NEK5: variants seen among roughly 807,000 people sequenced by gnomAD.
The protein encoded by NEK5 is NIMA related kinase 5.
Under a neutral mutation model 109.2 loss-of-function variants are expected in NEK5, and 88 were observed. The observed-to-expected ratio is 0.81, with a 90% confidence interval of 0.68 to 0.96. NEK5 has a LOEUF of 0.96. Ranked by LOEUF, NEK5 falls within the 40% of genes least tolerant of loss-of-function variation. NEK5 has a pLI of 0.00. For missense variants in NEK5, 834 were observed against 920.7 expected (o/e 0.91, Z 1.22); for synonymous variants, 283 against 299.9 (o/e 0.94, Z 0.58).
At chr13:52,112,426 G>A in intron 4 of NEK5, 61 bp from the exon 5 acceptor site, 1 of 1,113,500 alleles carries the variant, frequency 9.0e-7, no homozygotes, top group East Asian at 2.4e-5. Context: ...GCCATGTTCT[G>A]GCTGTGGAAT....
chr13:52,092,344 T>G (rs1399810305), intron 13 of NEK5, among the ~76,000 whole-genome samples: 1 of 152,104 alleles, frequency 6.6e-6, no homozygotes, highest in Non-Finnish European at 1.5e-5. Context: ...ACGTAATTGT[T>G]ATAAGCTTGA....
chr13:52,055,331 C>A (rs1199696685), intron 22 of NEK5, among the ~76,000 whole-genome samples: 1 of 150,662 alleles, frequency 6.6e-6, no homozygotes, highest in African/African-American at 2.4e-5. Flanking sequence ...GATTGGTGTA[C>A]CTGAAAGTGA....
intron 22 of NEK5, among the ~76,000 whole-genome samples, chr13:52,053,821 T>G (rs1021205589): frequency 2.0e-5 from 3 of 152,200 alleles, no homozygotes; most frequent in Non-Finnish European, 4.4e-5. Context: ...CGAAGTGGTT[T>G]TATTAAGGCA....
chr13:52,048,586 G>C (rs1000651976), intron 23 of NEK5, among the ~76,000 whole-genome samples: 4 of 152,172 alleles, frequency 2.6e-5, no homozygotes, highest in African/African-American at 9.7e-5. Flanking sequence ...TCACATCAAT[G>C]CATGAATAGA....
At chr13:52,067,447 A>G (rs1593931559) in intron 20 of NEK5, among the ~76,000 whole-genome samples, 1 of 152,186 alleles carries the variant, frequency 6.6e-6, no homozygotes, top group East Asian at 1.9e-4. Context: ...AGCTGCACAG[A>G]TAAGGGAGCA....
chr13:52,080,119 G>A (rs9568704), intron 17 of NEK5, among the ~76,000 whole-genome samples: 4 of 121,312 alleles, frequency 3.3e-5, no homozygotes, highest in East Asian at 2.7e-4. Context: ...ACCCCGTCTG[G>A]GAGGTGAGGA....
intron 3 of NEK5, 54 bp from the exon 4 acceptor site, chr13:52,119,469 C>T (rs967273958): frequency 1.2e-6 from 1 of 867,416 alleles, no homozygotes; most frequent in Non-Finnish European, 1.8e-6. Flanking sequence ...GTTTCAAGAA[C>T]ATGCTTTCTG....
intron 12 of NEK5, among the ~76,000 whole-genome samples, chr13:52,096,798 AG>A (rs2137967293): frequency 6.6e-6 from 1 of 152,214 alleles, no homozygotes; most frequent in East Asian, 1.9e-4. Context: ...AAAAATAAAG[AG>A]GAGTCAAATG....
chr13:52,088,939 A>C (rs1955213934), intron 14 of NEK5, among the ~76,000 whole-genome samples: 1 of 151,776 alleles, frequency 6.6e-6, no homozygotes, highest in Non-Finnish European at 1.5e-5. Flanking sequence ...AAAAATACAG[A>C]AGTTAGCTGG....
chr13:52,057,609 T>C (rs2137721430), intron 22 of NEK5, among the ~76,000 whole-genome samples: 1 of 152,340 alleles, frequency 6.6e-6, no homozygotes, highest in African/African-American at 2.4e-5. Flanking sequence ...CATGATCAAG[T>C]GGGCTTCAAC....
chr13:52,094,610 C>T (rs904448418), intron 12 of NEK5, among the ~76,000 whole-genome samples: 3 of 152,114 alleles, frequency 2.0e-5, no homozygotes, highest in Non-Finnish European at 4.4e-5. Context: ...GGTGAAACCC[C>T]GTCTCTACTA....
chr13:52,072,030 C>A lies in NEK5; in HGVS notation c.1763G>T (p.Gly588Val), dbSNP rs1954793237. 1 of 1,610,440 alleles carries A rather than the reference C, an allele frequency of 6.2e-7. No homozygotes were observed. Among genetic ancestry groups the A allele is most frequent in the Non-Finnish European group, 8.5e-7 (1 of 1,176,914 alleles). ...ACATTCATATTCCTTAAACTTCATGCCATCCTCAAAGGTCAAAGTTTCATT... is the reference window on the plus strand; with the variant it reads ...ACATTCATATTCCTTAAACTTCATGACATCCTCAAAGGTCAAAGTTTCATT... The part of the protein sequence containing the change: ...IPNETLTFED[G>V]MKFKEYECVK... Residue 588 changes from glycine (G) to valine (V), a missense_variant, in exon 20 of 24, where the codon GGC becomes GTC. Transcript: ENST00000684899.
intron 23 of NEK5, among the ~76,000 whole-genome samples, chr13:52,048,672 GACA>G (rs1307459970): frequency 2.6e-5 from 4 of 152,182 alleles, no homozygotes; most frequent in Non-Finnish European, 5.9e-5. Context: ...TGGCATTTGT[GACA>G]ACATGAATAA....
intron 3 of NEK5, among the ~76,000 whole-genome samples, chr13:52,122,802 T>C (rs1447853195): frequency 6.6e-6 from 1 of 152,082 alleles, no homozygotes; most frequent in Non-Finnish European, 1.5e-5. Context: ...ATGACACCAA[T>C]CATTCTAATA....
At chr13:52,116,880 T>G (rs1030563765) in intron 4 of NEK5, among the ~76,000 whole-genome samples, 4 of 152,210 alleles carry the variant, frequency 2.6e-5, no homozygotes, top group Non-Finnish European at 4.4e-5. Flanking sequence ...ATTCTCATTA[T>G]TTTTCTTATG....
In NEK5 at chr13:52,093,264, A is replaced by C. The variant is rs369161035; in HGVS notation, c.1027-29T>G. ...AAGAAAACAAGAGGGGATGTTTTTAAAAACCATAATACAGGCTGGGTGCAG... is the reference window on the plus strand; with the variant it reads ...AAGAAAACAAGAGGGGATGTTTTTACAAACCATAATACAGGCTGGGTGCAG... On this transcript the variant is annotated intron_variant, in intron 12 of 23. Transcript: ENST00000684899. 11 of 1,570,956 alleles carry C rather than the reference A, an allele frequency of 7.0e-6. No homozygotes were observed. The African/African-American group carries it at 1.5e-4, about 21-fold the overall frequency.
At chr13:52,064,079 A>G (rs572380381) in intron 21 of NEK5, among the ~76,000 whole-genome samples, 9 of 113,000 alleles carry the variant, frequency 8.0e-5, no homozygotes, top group African/African-American at 2.7e-4. Context: ...CCGGCCAGCC[A>G]CCCCATCCGG....
intron 12 of NEK5, among the ~76,000 whole-genome samples, chr13:52,094,357 C>A (rs1955358622): frequency 6.6e-6 from 1 of 152,134 alleles, no homozygotes; most frequent in Non-Finnish European, 1.5e-5. Context: ...GACCTAGGAA[C>A]TAATAGTTGG....
chr13:52,039,467 C>T (rs1288488845), intron 23 of NEK5, among the ~76,000 whole-genome samples: 1 of 152,198 alleles, frequency 6.6e-6, no homozygotes, highest in Non-Finnish European at 1.5e-5. Context: ...CTCTACTAAA[C>T]TATGCTGTGT....
Sources: allele counts gnomAD v4.1 joint callset (sites outside exome capture counted in the v4.1 genomes callset), GRCh38; gene constraint gnomAD v4.1.1; transcripts MANE v1.5; gene names NCBI Gene and HGNC (gene_info 2026-07-23, HGNC 2026-07-21).